Variants in UNC5D observed in about 807,000 individuals in gnomAD.
UNC5D encodes the protein unc-5 netrin receptor D, also known as netrin receptor UNC5D.
Under a neutral mutation model 105.4 loss-of-function variants are expected in UNC5D, and 39 were observed. The observed-to-expected ratio is 0.37, with a 90% CI of 0.29 to 0.48. The LOEUF (loss-of-function observed/expected upper bound fraction) is 0.48, where lower values mean the gene tolerates loss of function less well. Ranked by LOEUF, UNC5D falls within the 20% of genes least tolerant of loss-of-function variation. The pLI, the probability that UNC5D is intolerant of heterozygous loss-of-function variation, is 0.98. For synonymous variants in UNC5D, 452 were observed against 450.4 expected (o/e 1.00, Z -0.04); for missense variants, 991 against 1,202.4 (o/e 0.82, Z 2.60).
At chr8:35,602,267 GT>G (rs1018440839) in intron 4 of UNC5D, among the ~76,000 whole-genome samples, 6 of 151,952 alleles carry the variant, frequency 3.9e-5, no homozygotes, top group African/African-American at 1.4e-4. Flanking sequence ...CTCTTTTTTT[GT>G]TGTGTCTCTG....
At chr8:35,727,489 C>T (rs1828939744) in intron 10 of UNC5D, 1 of 152,106 alleles carries the variant, frequency 6.6e-6, no homozygotes, top group Non-Finnish European at 1.5e-5. Context: ...TGTAATAGGA[C>T]TAGTCTGATT....
chr8:35,467,610 G>A (rs944726310), intron 1 of UNC5D, among the ~76,000 whole-genome samples: 76 of 146,828 alleles, frequency 5.2e-4, no homozygotes, highest in African/African-American at 1.9e-3. Flanking sequence ...AATCAGACTT[G>A]TTTGAGTAAC....
At chr8:35,546,675 T>C (rs1815705332) in intron 1 of UNC5D, among the ~76,000 whole-genome samples, 1 of 152,230 alleles carries the variant, frequency 6.6e-6, no homozygotes, top group African/African-American at 2.4e-5. Flanking sequence ...CTCTAACATA[T>C]GGATTTACAA....
intron 1 of UNC5D, among the ~76,000 whole-genome samples, chr8:35,505,874 A>G (rs1283792057): frequency 1.3e-5 from 2 of 152,214 alleles, no homozygotes; most frequent in African/African-American, 2.4e-5. Flanking sequence ...TGGGTGAATT[A>G]AGCAGGTTGC....
intron 4 of UNC5D, among the ~76,000 whole-genome samples, chr8:35,653,967 G>A (rs970167966): frequency 1.3e-5 from 2 of 151,726 alleles, no homozygotes; most frequent in Non-Finnish European, 2.9e-5. Flanking sequence ...TTAATAATAA[G>A]CTCATGCTTA....
At position 35,722,423 on chromosome 8, in the gene UNC5D, C is replaced by T. The variant is rs747425789; in HGVS notation, c.1303+28C>T. On this transcript the variant is annotated intron_variant, in intron 9 of 16. Transcript: ENST00000404895. ...CAGCGGCATAGGTCCCTCCACACCTCGTCCTCAGTGCCATAGACTACGCTC... is the reference window on the plus strand; with the variant it reads ...CAGCGGCATAGGTCCCTCCACACCTTGTCCTCAGTGCCATAGACTACGCTC... 19 of 1,604,660 alleles carry T rather than the reference C, an allele frequency of 1.2e-5. No individual in the cohort carries two copies. In the South Asian group the frequency reaches 1.3e-4, roughly 11 times the overall value.
chr8:35,594,199 C>T (rs541766264), intron 3 of UNC5D, among the ~76,000 whole-genome samples: 1 of 152,218 alleles, frequency 6.6e-6, no homozygotes, highest in East Asian at 1.9e-4. Flanking sequence ...TGAAGACCTC[C>T]GAATATGTAG....
intron 4 of UNC5D, among the ~76,000 whole-genome samples, chr8:35,660,098 C>T (rs531488163): frequency 6.6e-6 from 1 of 152,264 alleles, no homozygotes; most frequent in East Asian, 1.9e-4. Flanking sequence ...CCTTTTATCC[C>T]AAATAAAATG....
intron 1 of UNC5D, among the ~76,000 whole-genome samples, chr8:35,251,243 A>G (rs1803675783): frequency 6.6e-6 from 1 of 152,154 alleles, no homozygotes; most frequent in Non-Finnish European, 1.5e-5. Context: ...GGTAGGCCCT[A>G]GGAAACTTAT....
chr8:35,720,563 C>T (rs1230914400), intron 8 of UNC5D, among the ~76,000 whole-genome samples: 1 of 152,228 alleles, frequency 6.6e-6, no homozygotes, highest in Non-Finnish European at 1.5e-5. Context: ...CCCTCCAAGA[C>T]ACTTAATTGA....
rs1812944219 is a variant in UNC5D, at chr8:35,513,912, T to C, written c.104-35380T>C. 2.0e-5 allele frequency among the ~76,000 whole-genome samples: 3 copies of C among 152,220 alleles called. No individual in the cohort carries two copies. The South Asian group carries it at 6.2e-4, about 31-fold the overall frequency. ...CAATTTTGTTTACATCCCTTATTTG[T>C]TTAACATTTTTAAGCTATTGCAAAC... On this transcript the variant is annotated intron_variant, in intron 1 of 16. Coordinates refer to ENST00000404895, the MANE Select transcript of UNC5D (RefSeq NM_080872.4).
At chr8:35,342,901 C>G (rs568936851) in intron 1 of UNC5D, among the ~76,000 whole-genome samples, 1 of 152,266 alleles carries the variant, frequency 6.6e-6, no homozygotes, top group South Asian at 2.1e-4. Context: ...CTCTTAACTG[C>G]TAGAGTGCAG....
chr8:35,292,702 C>T (rs1807160979), intron 1 of UNC5D, among the ~76,000 whole-genome samples: 1 of 148,720 alleles, frequency 6.7e-6, no homozygotes. Flanking sequence ...TGCTGTAGTC[C>T]CTCCTTTTTT....
At chr8:35,376,193 T>G (rs1802692877) in intron 1 of UNC5D, among the ~76,000 whole-genome samples, 1 of 152,192 alleles carries the variant, frequency 6.6e-6, no homozygotes, top group Non-Finnish European at 1.5e-5. Context: ...ACCCTTTGAT[T>G]TGGGGCAATC....
At chr8:35,664,853 T>G (rs1195526457) in intron 4 of UNC5D, among the ~76,000 whole-genome samples, 1 of 152,154 alleles carries the variant, frequency 6.6e-6, no homozygotes, top group Non-Finnish European at 1.5e-5. Flanking sequence ...TTATTTTTAT[T>G]TATTTATTTA....
At chr8:35,543,370 A>G (rs1815408242) in intron 1 of UNC5D, among the ~76,000 whole-genome samples, 1 of 152,196 alleles carries the variant, frequency 6.6e-6, no homozygotes. Flanking sequence ...CAATAATCCA[A>G]TGGATCAGGA....
At chr8:35,759,495 G>A (rs1801422410) in intron 14 of UNC5D, 26 bp downstream of exon 14, 1 of 1,598,366 alleles carries the variant, frequency 6.3e-7, no homozygotes. Flanking sequence ...GTTTCTAACA[G>A]AAACGGCTTT....
chr8:35,337,553 G>C (rs888432990), intron 1 of UNC5D, among the ~76,000 whole-genome samples: 1 of 152,084 alleles, frequency 6.6e-6, no homozygotes, highest in South Asian at 2.1e-4. Flanking sequence ...TTTTCCTATC[G>C]AGTTAAGGGA....
At chr8:35,704,319 C>T (rs1333382585) in intron 7 of UNC5D, among the ~76,000 whole-genome samples, 1 of 152,142 alleles carries the variant, frequency 6.6e-6, no homozygotes, top group East Asian at 1.9e-4. Context: ...AATGCAAGAG[C>T]ATTCCATAGA....
Sources: gnomAD v4.1 joint callset for allele counts (sites outside exome capture counted in the v4.1 genomes callset) on GRCh38, gnomAD v4.1.1 for gene constraint, MANE v1.5 for transcripts, NCBI Gene and HGNC (gene_info 2026-07-23, HGNC 2026-07-21) for gene names.